CTIF: variants seen among roughly 807,000 people sequenced by gnomAD.
The protein encoded by CTIF is cap binding complex dependent translation initiation factor.
Under a neutral mutation model 66.0 loss-of-function variants are expected in CTIF, and 21 were observed. The observed-to-expected ratio is 0.32, with a 90% CI of 0.23 to 0.46. The LOEUF is 0.46. CTIF is among the 20% of genes least tolerant of loss of function. The probability of loss-of-function intolerance (pLI) is 1.00; values close to 1 mark genes in which losing one functional copy is unlikely to be tolerated. For missense variants in CTIF, 739 were observed against 812.7 expected (o/e 0.91, Z 1.10); for synonymous variants, 345 against 326.4 (o/e 1.06, Z -0.62).
At chr18:48,579,746 GTC>G (rs2089613187) in intron 1 of CTIF, among the ~76,000 whole-genome samples, 1 of 152,082 alleles carries the variant, frequency 6.6e-6, no homozygotes, top group South Asian at 2.1e-4. Flanking sequence ...GTCTTTATTA[GTC>G]TCTCTGGATG....
At chr18:48,642,644 CT>C (rs1387926870) in intron 3 of CTIF, among the ~76,000 whole-genome samples, 1 of 152,178 alleles carries the variant, frequency 6.6e-6, no homozygotes, top group Non-Finnish European at 1.5e-5. Flanking sequence ...TTTCTTGTAT[CT>C]TTCTCTGGTG....
intron 1 of CTIF, chr18:48,565,720 C>T (rs1254469722): frequency 6.6e-6 from 1 of 152,300 alleles, no homozygotes; most frequent in Non-Finnish European, 1.5e-5. Flanking sequence ...GGCACACAAC[C>T]ATGCAAGCTC....
intron 1 of CTIF, among the ~76,000 whole-genome samples, chr18:48,540,756 C>T (rs1305811328): frequency 6.6e-6 from 1 of 152,052 alleles, no homozygotes; most frequent in African/African-American, 2.4e-5. Context: ...CCGCAGACCG[C>T]GGCGTAGTGG....
At chr18:48,823,329 A>C (rs1391294065) in intron 10 of CTIF, among the ~76,000 whole-genome samples, 2 of 151,784 alleles carry the variant, frequency 1.3e-5, no homozygotes, top group African/African-American at 4.8e-5. Flanking sequence ...ATCCATTTTG[A>C]GTTGATTTTT....
At chr18:48,773,818 G>A (rs534066041) in intron 9 of CTIF, among the ~76,000 whole-genome samples, 10 of 151,966 alleles carry the variant, frequency 6.6e-5, no homozygotes, top group South Asian at 2.1e-4. Context: ...CCTGAGCTGC[G>A]TTTCTGATGC....
intron 9 of CTIF, among the ~76,000 whole-genome samples, chr18:48,787,802 G>A (rs1037884016): frequency 2.6e-5 from 4 of 152,146 alleles, no homozygotes; most frequent in African/African-American, 2.4e-5. Context: ...CTGCCCCTGC[G>A]CCAACTCCTG....
intron 6 of CTIF, among the ~76,000 whole-genome samples, chr18:48,685,840 CTAATTTT>C (rs1172060412): frequency 6.6e-6 from 1 of 152,028 alleles, no homozygotes; most frequent in East Asian, 1.9e-4. Flanking sequence ...CCACGCCTGG[CTAATTTT>C]TGTATTTTTA....
intron 9 of CTIF, among the ~76,000 whole-genome samples, chr18:48,774,830 A>AC (rs1348030858): frequency 1.3e-5 from 2 of 152,138 alleles, no homozygotes; most frequent in African/African-American, 4.8e-5. Flanking sequence ...GGAAAGCCAG[A>AC]CTCCAGCTAA....
intron 6 of CTIF, among the ~76,000 whole-genome samples, chr18:48,676,609 G>A (rs1217897477): frequency 1.3e-5 from 2 of 152,076 alleles, no homozygotes; most frequent in Non-Finnish European, 2.9e-5. Flanking sequence ...AACAGTGGAC[G>A]CCACCCGGTC....
intron 7 of CTIF, among the ~76,000 whole-genome samples, chr18:48,735,421 T>C (rs966739727): frequency 2.0e-5 from 3 of 152,304 alleles, no homozygotes; most frequent in Non-Finnish European, 2.9e-5. Flanking sequence ...TTTGGATGTC[T>C]TGCATGCAGA....
chr18:48,679,589 G>C (rs1490812715), intron 6 of CTIF, among the ~76,000 whole-genome samples: 1 of 152,186 alleles, frequency 6.6e-6, no homozygotes, highest in Non-Finnish European at 1.5e-5. Flanking sequence ...AGAAAAGACT[G>C]TTGGGGGAGT....
rs148989050 is a variant in CTIF at position 48,698,563 on chromosome 18, A to G, written c.508-13056A>G. Among the ~76,000 whole-genome samples, 1,345 of 152,300 alleles carry G rather than the reference A, an allele frequency of 8.8e-3. 24 individuals are homozygous for G. The highest frequency in any genetic ancestry group is 0.031 in the African/African-American group (1,280 of 41,544). On this transcript the variant is annotated intron_variant, in intron 6 of 11. Transcript: ENST00000256413. ...GTTTATGAAATTTGAAATGTTGGGC[A>G]CCACTAATTTAGGTCTACGACTTTA...
At chr18:48,686,502 G>A (rs1306289433) in intron 6 of CTIF, among the ~76,000 whole-genome samples, 1 of 151,874 alleles carries the variant, frequency 6.6e-6, no homozygotes, top group Non-Finnish European at 1.5e-5. Flanking sequence ...CCAAGATCGG[G>A]ACCTAGGTGT....
intron 9 of CTIF, among the ~76,000 whole-genome samples, chr18:48,791,208 G>A (rs925976296): frequency 3.3e-5 from 5 of 152,228 alleles, no homozygotes; most frequent in Admixed American, 2.6e-4. Flanking sequence ...GACCATGAGA[G>A]CCACACTGGA....
At position 48,860,002 on chromosome 18, in the gene CTIF, G is replaced by A. The variant is rs2069426749; in HGVS notation, c.*443G>A. The A allele has an allele frequency of 2.2e-6, 1 of 455,574 alleles. No individual in the cohort carries two copies. The highest frequency in any genetic ancestry group is 1.6e-5 in the South Asian group (1 of 64,436). 28.2% of individuals were successfully genotyped at this position (455,574 alleles called of 1,614,324 possible). On this transcript the variant is annotated 3_prime_UTR_variant, in exon 12 of 12. Transcript: ENST00000256413. ...AGTGGGTCGGAGACGGGCTCGCATTGTTCCCGCATGCTGTCAGCCGCAGTC... is the reference window on the plus strand; with the variant it reads ...AGTGGGTCGGAGACGGGCTCGCATTATTCCCGCATGCTGTCAGCCGCAGTC...
intron 8 of CTIF, among the ~76,000 whole-genome samples, chr18:48,758,860 G>A (rs1050955470): frequency 6.6e-6 from 1 of 152,200 alleles, no homozygotes; most frequent in South Asian, 2.1e-4. Flanking sequence ...TGCCAGAATG[G>A]GGAGCAGAGG....
chr18:48,668,171 C>T (rs2091466381), intron 5 of CTIF, among the ~76,000 whole-genome samples: 1 of 152,242 alleles, frequency 6.6e-6, no homozygotes, highest in Admixed American at 6.5e-5. Flanking sequence ...ACCTGCCCAC[C>T]CCCAGGGGCG....
chr18:48,664,975 C>T (rs1296162983), intron 5 of CTIF, among the ~76,000 whole-genome samples: 4 of 144,386 alleles, frequency 2.8e-5, no homozygotes, highest in South Asian at 4.7e-4. Flanking sequence ...ACTGCAGTGG[C>T]GCAATCTCGG....
intron 10 of CTIF, among the ~76,000 whole-genome samples, chr18:48,851,918 G>C (rs1568269635): frequency 6.6e-6 from 1 of 152,050 alleles, no homozygotes; most frequent in South Asian, 2.1e-4. Flanking sequence ...AAGCATATGA[G>C]GGAAATTTAC....
Sources: gnomAD v4.1 joint callset for allele counts (sites outside exome capture counted in the v4.1 genomes callset) on GRCh38, gnomAD v4.1.1 for gene constraint, MANE v1.5 for transcripts, NCBI Gene and HGNC (gene_info 2026-07-23, HGNC 2026-07-21) for gene names.